AURKA: variants seen among roughly 807,000 people sequenced by gnomAD.
The protein encoded by AURKA is aurora kinase A, also known as aurora 2.
AURKA carries 12 observed loss-of-function variants against 40.9 expected under a neutral mutation model. The ratio of observed to expected loss-of-function variants is 0.29; its 90% CI spans 0.19 to 0.48. AURKA has a LOEUF of 0.48. AURKA is among the 20% of genes least tolerant of loss of function. The pLI is 0.99. For synonymous variants in AURKA, 170 were observed against 164.3 expected (o/e 1.03, Z -0.26); for missense variants, 322 against 462.1 (o/e 0.70, Z 2.78).
chr20:56,373,191 G>T lies in AURKA; in HGVS notation c.854+217C>A, dbSNP rs1984499297. Among the ~76,000 whole-genome samples the T allele has an allele frequency of 6.6e-6, 1 of 152,104 alleles. No homozygotes were observed. Among genetic ancestry groups the T allele is most frequent in the Non-Finnish European group, 1.5e-5 (1 of 68,014 alleles). On this transcript the variant is annotated intron_variant, in intron 7 of 8. Coordinates refer to ENST00000395915, the MANE Select transcript of AURKA (RefSeq NM_198437.3). The surrounding 1 kb of genome is among the most constrained non-coding windows in gnomAD (Gnocchi z 5.0). ...GGACATTAAGCATCTTCAACCCTAGGCCTAGAACACTGCTAATAGCCCCAA... is the reference window on the plus strand; with the variant it reads ...GGACATTAAGCATCTTCAACCCTAGTCCTAGAACACTGCTAATAGCCCCAA...
At chr20:56,370,808 T>C (rs765058119) in intron 7 of AURKA, 149 bp from the exon 8 acceptor site, 32 of 873,906 alleles carry the variant, frequency 3.7e-5, no homozygotes, top group East Asian at 1.9e-4. Flanking sequence ...TAAATTCCCA[T>C]AGGAAACAGA....
Position 56,380,910 on chromosome 20 carries a change from G to A in AURKA, c.705+523C>T, listed in dbSNP as rs141328420. Among the ~76,000 whole-genome samples, 929 of 152,274 alleles carry A rather than the reference G, an allele frequency of 6.1e-3. 29 individuals carry two copies. The highest frequency in any genetic ancestry group is 0.053 in the Admixed American group (808 of 15,286). ...CAAATGTGCCATATTAATGCAAGATGTTAGTAGGAGAATTAGTAGGAAATT... is the reference window on the plus strand; with the variant it reads ...CAAATGTGCCATATTAATGCAAGATATTAGTAGGAGAATTAGTAGGAAATT... On this transcript the variant is annotated intron_variant, in intron 6 of 8. Transcript: ENST00000395915.
chr20:56,369,749 G>A lies in AURKA; in HGVS notation c.*409C>T. The A allele has an allele frequency of 2.6e-6, 1 of 391,322 alleles. No homozygotes were observed. The highest frequency in any genetic ancestry group is 4.1e-5 in the East Asian group (1 of 24,424). 24.2% of individuals were successfully genotyped at this position (391,322 alleles called of 1,614,324 possible). A position where few individuals can be genotyped will look rare whatever the true frequency, so the allele number is the denominator to read the frequency against. ...TTACCAGGCTTCGCCAACCCAATAA[G>A]TTACACACTCACTCAGGTACTAGGA... On this transcript the variant is annotated 3_prime_UTR_variant, in exon 9 of 9. Transcript: ENST00000395915.
In AURKA at chr20:56,370,162, G is replaced by C. The variant is rs1454252955; in HGVS notation, c.1208C>G (p.Ser403Cys). ...ATTTCTCCCCCTGCACGATTCCTAA[G>C]ACTGTTTGCTAGCTGATTCTTTGTT... The part of the protein sequence containing the change: ...CQNKESASKQ[S>C] Residue 403 changes from serine to cysteine, a missense_variant, in exon 9 of 9, where the codon TCT becomes TGT. Transcript: ENST00000395915. 7 of 1,612,390 alleles carry C rather than the reference G, an allele frequency of 4.3e-6. No homozygotes were observed. The highest frequency in any genetic ancestry group is 5.9e-6 in the Non-Finnish European group (7 of 1,179,998).
intron 7 of AURKA, 105 bp from the exon 8 acceptor site, chr20:56,370,764 C>A: frequency 7.9e-7 from 1 of 1,259,574 alleles, no homozygotes; most frequent in Non-Finnish European, 1.1e-6. Context: ...TTCCCCTGGG[C>A]CAGATCCTGT....
At chr20:56,388,605 A>G (rs1986678008) in intron 1 of AURKA, 1 of 225,714 alleles carries the variant, frequency 4.4e-6, no homozygotes, top group East Asian at 7.4e-5. Context: ...TGAGGTCAAG[A>G]GTTCGAGACC....
chr20:56,386,061 A>G (rs981665981), intron 3 of AURKA, among the ~76,000 whole-genome samples, 196 bp downstream of exon 3: 1 of 152,210 alleles, frequency 6.6e-6, no homozygotes, highest in Non-Finnish European at 1.5e-5. Context: ...AGAGGGTGAG[A>G]ATCAGGTCTG....
At chr20:56,380,707 C>T (rs957272040) in intron 6 of AURKA, among the ~76,000 whole-genome samples, 1 of 152,118 alleles carries the variant, frequency 6.6e-6, no homozygotes, top group East Asian at 1.9e-4. Context: ...AGCTGACATC[C>T]ACAGTTAAAA....
intron 4 of AURKA, among the ~76,000 whole-genome samples, chr20:56,383,753 C>G (rs1986022876): frequency 6.6e-6 from 1 of 152,192 alleles, no homozygotes; most frequent in Admixed American, 6.5e-5. Context: ...TGGGTTCATT[C>G]CTCGCTCCTC....
At chr20:56,381,722 A>G in intron 5 of AURKA, 151 bp from the exon 6 acceptor site, 1 of 905,640 alleles carries the variant, frequency 1.1e-6, no homozygotes, top group Non-Finnish European at 1.7e-6. Flanking sequence ...CTATAAACCC[A>G]CTCCAAGAAA....
intron 2 of AURKA, among the ~76,000 whole-genome samples, chr20:56,387,297 C>A (rs1055919218): frequency 6.6e-6 from 1 of 152,118 alleles, no homozygotes; most frequent in African/African-American, 2.4e-5. Context: ...GGACGACAGG[C>A]GCCTGCCACC....
intron 5 of AURKA, among the ~76,000 whole-genome samples, 159 bp downstream of exon 5, chr20:56,382,826 T>C (rs1259584543): frequency 6.6e-6 from 1 of 152,020 alleles, no homozygotes; most frequent in Non-Finnish European, 1.5e-5. Flanking sequence ...CTAATCTTTT[T>C]CATAGGGGAG....
intron 6 of AURKA, among the ~76,000 whole-genome samples, chr20:56,378,525 C>T (rs899727886): frequency 1.3e-5 from 2 of 152,180 alleles, no homozygotes; most frequent in Admixed American, 6.5e-5. Flanking sequence ...GGCAATAGCA[C>T]TCCTATATAT....
chr20:56,372,184 C>G (rs920951217), intron 7 of AURKA, among the ~76,000 whole-genome samples: 1 of 152,160 alleles, frequency 6.6e-6, no homozygotes, highest in African/African-American at 2.4e-5. Flanking sequence ...CTGTGTTCAG[C>G]CAGGCCTGGC....
chr20:56,387,249 G>A (rs932360478), intron 2 of AURKA, among the ~76,000 whole-genome samples: 2 of 152,118 alleles, frequency 1.3e-5, no homozygotes, highest in Non-Finnish European at 2.9e-5. Flanking sequence ...TGCCTCCCAG[G>A]TTCAAGCAAT....
rs567228889 is a variant in AURKA, at chr20:56,369,435, C to G, written c.*723G>C. On this transcript the variant is annotated 3_prime_UTR_variant, in exon 9 of 9. Transcript: ENST00000395915. ...TGCATATTTAAAGTTTACACACATG[C>G]TATGACTCCAATGTTTTAAAAAAAT... The G allele has an allele frequency of 3.8e-5, 9 of 234,388 alleles. No individual in the cohort carries two copies. The East Asian group carries it at 5.5e-4, about 14-fold the overall frequency. The allele number at this position is 234,388 out of a possible 1,614,324, so 14.5% of individuals were successfully genotyped here. A position where few individuals can be genotyped will look rare whatever the true frequency, so the allele number is the denominator to read the frequency against.
In AURKA at chr20:56,386,439, C is replaced by T. The variant is rs769961096; in HGVS notation, c.137G>A (p.Arg46Gln). The part of the protein sequence containing the change: ...PLPVNSGQAQ[R>Q]VLCPSNSSQR... The stretch of plus-strand genomic sequence containing the variant: ...GGAAGAATTTGAAGGACACAAGACC[C>T]GCTGAGCCTGGCCACTATTTACAGG... Residue 46 changes from arginine to glutamine, a missense_variant, in exon 3 of 9, where the codon CGG (arginine) becomes CAG (glutamine). Transcript: ENST00000395915. The T allele has an allele frequency of 5.6e-6, 9 of 1,614,188 alleles. No homozygotes were observed. Among genetic ancestry groups the T allele is most frequent in the East Asian group, 2.2e-5 (1 of 44,888 alleles).
In AURKA at chr20:56,386,303, T is replaced by G. The variant is rs1307320574; in HGVS notation, c.273A>C (p.Pro91=). ...GCTTGCTCTTTTGGGTGTTATTCAGTGGCCTGGAGACAGGATGAGGTACAC... is the reference window on the plus strand; with the variant it reads ...GCTTGCTCTTTTGGGTGTTATTCAGGGGCCTGGAGACAGGATGAGGTACAC... The part of the protein sequence containing the change: ...ATSVPHPVSR[P]LNNTQKSKQP... The change falls in exon 3 of 9, where the codon CCA becomes CCC. Residue 91 remains proline (P), a synonymous_variant. Coordinates refer to ENST00000395915, the MANE Select transcript of AURKA (RefSeq NM_198437.3). 3.1e-6 allele frequency: 5 copies of G among 1,614,122 alleles called. No individual in the cohort carries two copies. Among genetic ancestry groups the G allele is most frequent in the Admixed American group, 3.3e-5 (2 of 59,998 alleles).
intron 5 of AURKA, 133 bp downstream of exon 5, chr20:56,382,852 G>C (rs1178430180): frequency 2.2e-6 from 2 of 904,752 alleles, no homozygotes; most frequent in Non-Finnish European, 1.8e-6. Flanking sequence ...GGTGAGGAAC[G>C]GGGCCATGCA....
Sources: allele counts gnomAD v4.1 joint callset (sites outside exome capture counted in the v4.1 genomes callset), GRCh38; gene constraint gnomAD v4.1.1; non-coding constraint Gnocchi (gnomAD v3.1); transcripts MANE v1.5; gene names NCBI Gene and HGNC (gene_info 2026-07-23, HGNC 2026-07-21).